Variants in HPCAL1 observed in about 807,000 individuals in gnomAD.
HPCAL1 encodes hippocalcin-like protein 1.
In HPCAL1, 8 loss-of-function variants were observed where a neutral mutation model predicts 17.1. The ratio of observed to expected loss-of-function variants is 0.47; its 90% CI spans 0.27 to 0.84. HPCAL1 has a LOEUF of 0.84. Ranked by LOEUF, HPCAL1 falls within the 40% of genes least tolerant of loss-of-function variation. The pLI, the probability that HPCAL1 is intolerant of heterozygous loss-of-function variation, is 0.13. For missense variants in HPCAL1, 165 were observed against 271.1 expected (o/e 0.61, Z 2.75); for synonymous variants, 112 against 111.4 (o/e 1.01, Z -0.03).
intron 2 of HPCAL1, among the ~76,000 whole-genome samples, chr2:10,411,350 T>A (rs914172460): frequency 6.6e-6 from 1 of 152,156 alleles, no homozygotes; most frequent in East Asian, 1.9e-4. Context: ...CCTCGGTCCC[T>A]TGTCCCTAAG....
At chr2:10,327,421 G>T (rs930440121) in intron 1 of HPCAL1, among the ~76,000 whole-genome samples, 1 of 152,174 alleles carries the variant, frequency 6.6e-6, no homozygotes, top group African/African-American at 2.4e-5. Context: ...TTAGACTCTG[G>T]TTCTTTGCTT....
chr2:10,419,483 C>T lies in HPCAL1; in HGVS notation c.-24-251C>T, dbSNP rs1344654022. On this transcript the variant is annotated intron_variant, in intron 2 of 4. Coordinates refer to ENST00000307845, the MANE Select transcript of HPCAL1 (RefSeq NM_002149.4). The surrounding 1 kb of genome is among the most constrained non-coding windows in gnomAD (Gnocchi z 5.0). ...TCCACTGATTTTAAGTTGCATTTTC[C>T]CCCCCGCATTTCCACATTCTCCAAG... Among the ~76,000 whole-genome samples, 2 of 151,998 alleles carry T rather than the reference C, an allele frequency of 1.3e-5. No homozygotes were observed. The highest frequency in any genetic ancestry group is 2.9e-5 in the Non-Finnish European group (2 of 68,016).
At position 10,330,370 on chromosome 2, in the gene HPCAL1, C is replaced by T. The variant is rs75736974; in HGVS notation, c.-111+27193C>T. On this transcript the variant is annotated intron_variant, in intron 1 of 4. Coordinates refer to ENST00000307845, the MANE Select transcript of HPCAL1 (RefSeq NM_002149.4). This position sits in a 1 kb window ranked among gnomAD's most constrained non-coding sequence, Gnocchi z 4.2. ...GCAGCAGCTTTGGAGCAAGGGCCAC[C>T]CTGCCCCTCCCCACCAAGCCCTGAG... Among the ~76,000 whole-genome samples, 13,381 of 152,266 alleles carry T rather than the reference C, an allele frequency of 0.088. 613 individuals are homozygous for T. Among genetic ancestry groups the T allele is most frequent in the Middle Eastern group, 0.12 (34 of 292 alleles).
intron 1 of HPCAL1, among the ~76,000 whole-genome samples, chr2:10,390,776 C>T (rs530371620): frequency 1.1e-3 from 160 of 152,272 alleles, no homozygotes; most frequent in Middle Eastern, 3.4e-3. Context: ...CCCCACCCCC[C>T]GGCCTGGGAC....
chr2:10,312,635 CATT>C (rs1172513305), intron 1 of HPCAL1, among the ~76,000 whole-genome samples: 2 of 151,148 alleles, frequency 1.3e-5, no homozygotes, highest in African/African-American at 4.9e-5. Context: ...CCATCACCAT[CATT>C]ATCACTGTCA....
chr2:10,374,451 C>G (rs973793112), intron 1 of HPCAL1, among the ~76,000 whole-genome samples: 6 of 152,224 alleles, frequency 3.9e-5, no homozygotes. Context: ...TTGCTGTGGT[C>G]TTTAAGGTTT....
At position 10,331,469 on chromosome 2, in the gene HPCAL1, ACACT is replaced by A. The variant is rs1193080844; in HGVS notation, c.-111+28295_-111+28298del. ...AGGACACCGTTTCTGAACCCAGGAG[ACACT>A]CAGGAAACCTTGCTGGTGGAACGGA... On this transcript the variant is annotated intron_variant, in intron 1 of 4. Transcript: ENST00000307845. This position sits in a 1 kb window ranked among gnomAD's most constrained non-coding sequence, Gnocchi z 5.0. Among the ~76,000 whole-genome samples the A allele has an allele frequency of 6.6e-6, 1 of 152,070 alleles. No homozygotes were observed. Among genetic ancestry groups the A allele is most frequent in the Non-Finnish European group, 1.5e-5 (1 of 68,006 alleles).
chr2:10,422,425 T>A (rs1227659569), intron 3 of HPCAL1, among the ~76,000 whole-genome samples: 1 of 152,138 alleles, frequency 6.6e-6, no homozygotes, highest in East Asian at 1.9e-4. Flanking sequence ...TGCCCCAGGC[T>A]GGGCCACTCA....
At chr2:10,383,739 A>G (rs573013627) in intron 1 of HPCAL1, among the ~76,000 whole-genome samples, 5 of 151,984 alleles carry the variant, frequency 3.3e-5, no homozygotes, top group African/African-American at 1.2e-4. Flanking sequence ...AGGGGAATAT[A>G]TTTGTCGAGT....
intron 1 of HPCAL1, among the ~76,000 whole-genome samples, chr2:10,357,249 G>T (rs1406236612): frequency 6.6e-6 from 1 of 152,234 alleles, no homozygotes; most frequent in Non-Finnish European, 1.5e-5. Flanking sequence ...TGAGAGGCTT[G>T]CAGTACCCAC....
chr2:10,399,591 GCCACCA>G (rs914368591), intron 2 of HPCAL1, among the ~76,000 whole-genome samples: 5 of 97,566 alleles, frequency 5.1e-5, no homozygotes, highest in Non-Finnish European at 1.0e-4. Flanking sequence ...CACCGCCACC[GCCACCA>G]CCACCACCAC....
At chr2:10,340,132 C>T (rs186735548) in intron 1 of HPCAL1, among the ~76,000 whole-genome samples, 1 of 152,232 alleles carries the variant, frequency 6.6e-6, no homozygotes, top group African/African-American at 2.4e-5. Flanking sequence ...TTCCCCCATC[C>T]CTGCCTCGGC....
chr2:10,354,718 T>G lies in HPCAL1; in HGVS notation c.-110-42117T>G, dbSNP rs1191085626. Among the ~76,000 whole-genome samples, 1 of 152,250 alleles carries G rather than the reference T, an allele frequency of 6.6e-6. No homozygotes were observed. Among genetic ancestry groups the G allele is most frequent in the African/African-American group, 2.4e-5 (1 of 41,460 alleles). ...TTTACGTATTTTACTTTGACTTCTT[T>G]CTGGGTTCTTGCATAGGCTTCAAGG... On this transcript the variant is annotated intron_variant, in intron 1 of 4. Coordinates refer to ENST00000307845, the MANE Select transcript of HPCAL1 (RefSeq NM_002149.4). This position sits in a 1 kb window ranked among gnomAD's most constrained non-coding sequence, Gnocchi z 5.1.
intron 1 of HPCAL1, among the ~76,000 whole-genome samples, chr2:10,350,628 A>C (rs918949418): frequency 8.5e-5 from 13 of 152,188 alleles, no homozygotes; most frequent in African/African-American, 2.4e-4. Flanking sequence ...GCCTCAAAGA[A>C]TACCGTCAAG....
rs144777297 is a variant in HPCAL1, at chr2:10,348,626, T to TAAA, written c.-111+45450_-111+45452dup. ...AAAAAAAAAAAAATATATATATATA[T>TAAA]AAATTAGCCAGGCAGGGTGATGTGC... is the stretch of plus-strand genomic sequence containing the variant. On this transcript the variant is annotated intron_variant, in intron 1 of 4. Transcript: ENST00000307845. 2.0e-5 allele frequency among the ~76,000 whole-genome samples: 3 copies of TAAA among 150,198 alleles called. No individual in the cohort carries two copies. In the East Asian group the frequency reaches 5.9e-4, roughly 29 times the overall value.
chr2:10,394,890 G>C lies in HPCAL1; in HGVS notation c.-110-1945G>C, dbSNP rs569422066. Among the ~76,000 whole-genome samples the C allele has an allele frequency of 1.3e-5, 2 of 151,956 alleles. No individual in the cohort carries two copies. The highest frequency in any genetic ancestry group is 4.2e-4 in the South Asian group (2 of 4,792). ...GGCTCACTGCAACCTCAGCCTTCTG[G>C]GCCCAGGTGATCTTCCCACCTCAGC... is the stretch of plus-strand genomic sequence containing the variant. On this transcript the variant is annotated intron_variant, in intron 1 of 4. Coordinates refer to ENST00000307845, the MANE Select transcript of HPCAL1 (RefSeq NM_002149.4). This position sits in a 1 kb window ranked among gnomAD's most constrained non-coding sequence, Gnocchi z 5.0.
intron 2 of HPCAL1, among the ~76,000 whole-genome samples, chr2:10,399,783 T>C (rs1045589488): frequency 7.2e-5 from 11 of 152,242 alleles, no homozygotes; most frequent in African/African-American, 2.4e-4. Context: ...ACCTGCATAC[T>C]AAGGCTCGAG....
intron 2 of HPCAL1, among the ~76,000 whole-genome samples, chr2:10,397,985 C>T (rs1270730950): frequency 6.6e-6 from 1 of 152,198 alleles, no homozygotes; most frequent in Non-Finnish European, 1.5e-5. Context: ...TGAAGTGTCC[C>T]TGTGGTATCT....
At chr2:10,353,927 A>G (rs1665986683) in intron 1 of HPCAL1, among the ~76,000 whole-genome samples, 1 of 152,204 alleles carries the variant, frequency 6.6e-6, no homozygotes, top group African/African-American at 2.4e-5. Context: ...GGCTGCCCTC[A>G]TGCAGCAGGC....
Sources: allele counts gnomAD v4.1 joint callset (sites outside exome capture counted in the v4.1 genomes callset), GRCh38; gene constraint gnomAD v4.1.1; non-coding constraint Gnocchi (gnomAD v3.1); transcripts MANE v1.5; gene names NCBI Gene and HGNC (gene_info 2026-07-23, HGNC 2026-07-21).